The following SFMBT2 variants were observed in gnomAD, a reference collection of about 807,000 sequenced individuals.
The protein encoded by SFMBT2 is scm-like with four MBT domains protein 2.
SFMBT2 carries 38 observed loss-of-function variants against 110.1 expected under a neutral mutation model. That is an observed-to-expected ratio of 0.35 (90% CI 0.27 to 0.45). The LOEUF is 0.45. Among genes scored for constraint, SFMBT2 ranks in the 20% least tolerant of loss-of-function variants. The probability of loss-of-function intolerance (pLI) is 1.00; values close to 1 mark genes in which losing one functional copy is unlikely to be tolerated. For missense variants in SFMBT2, 1,011 were observed against 1,094.9 expected (o/e 0.92, Z 1.08); for synonymous variants, 425 against 425.4 (o/e 1.00, Z 0.01).
intron 7 of SFMBT2, among the ~76,000 whole-genome samples, chr10:7,254,990 G>T (rs1426819256): frequency 1.3e-5 from 2 of 152,180 alleles, no homozygotes; most frequent in South Asian, 2.1e-4. Context: ...CAACACCAGC[G>T]AATTTCCAAA....
intron 15 of SFMBT2, among the ~76,000 whole-genome samples, chr10:7,192,998 T>C (rs1181566891): frequency 6.6e-6 from 1 of 152,174 alleles, no homozygotes; most frequent in Non-Finnish European, 1.5e-5. Flanking sequence ...AAGCGCCTCA[T>C]TGCAAAGCAT....
chr10:7,275,688 A>G (rs1031553368), intron 7 of SFMBT2, among the ~76,000 whole-genome samples: 1 of 152,182 alleles, frequency 6.6e-6, no homozygotes, highest in African/African-American at 2.4e-5. Context: ...GTTAAACGTC[A>G]CAACATAATC....
rs1391114019 is a variant in SFMBT2 at position 7,163,832 on chromosome 10, T to G, written c.2623A>C (p.Ile875Leu). Residue 875 changes from isoleucine to leucine, a missense_variant, in exon 21 of 21, where the codon ATC becomes CTC. Coordinates refer to ENST00000397167, the MANE Select transcript of SFMBT2 (RefSeq NM_001387889.1). The surrounding 1 kb of genome is among the most constrained non-coding windows in gnomAD (Gnocchi z 4.8). ...ECMELKLGPA[I>L]KLCHQIERVK... ...CTCTCGATCTGGTGGCATAACTTGA[T>G]GGCAGGCCCCAGCTTCAGCTCCATG... 1 of 1,614,088 alleles carries G rather than the reference T, an allele frequency of 6.2e-7. No homozygotes were observed. The highest frequency in any genetic ancestry group is 8.5e-7 in the Non-Finnish European group (1 of 1,180,028).
rs951229847 is a variant in SFMBT2 at position 7,203,000 on chromosome 10, C to T, written c.1445-478G>A. ...AAGGAGAACCAGTAGCTCGCAAATA[C>T]GCCTGGTCAAATATTGACATAAATG... On this transcript the variant is annotated intron_variant, in intron 12 of 20. Coordinates refer to ENST00000397167, the MANE Select transcript of SFMBT2 (RefSeq NM_001387889.1). The T allele has an allele frequency of 2.2e-5, 22 of 985,278 alleles. No individual in the cohort carries two copies. In the African/African-American group the frequency reaches 3.1e-4, roughly 14 times the overall value. 61.0% of individuals were successfully genotyped at this position (985,278 alleles called of 1,614,324 possible). A position where few individuals can be genotyped will look rare whatever the true frequency, so the allele number is the denominator to read the frequency against.
At chr10:7,366,196 A>G (rs1217001602) in intron 4 of SFMBT2, among the ~76,000 whole-genome samples, 2 of 152,110 alleles carry the variant, frequency 1.3e-5, no homozygotes, top group East Asian at 1.9e-4. Flanking sequence ...CAAAGACCCA[A>G]TGCAGGAAAG....
intron 8 of SFMBT2, 122 bp from the exon 9 acceptor site, chr10:7,243,827 C>T: frequency 1.6e-6 from 1 of 637,074 alleles, no homozygotes; most frequent in South Asian, 2.1e-5. Flanking sequence ...GATTTGAATA[C>T]AAACTGGCAT....
chr10:7,304,909 G>A (rs1842650008), intron 4 of SFMBT2, among the ~76,000 whole-genome samples: 1 of 152,154 alleles, frequency 6.6e-6, no homozygotes, highest in Non-Finnish European at 1.5e-5. Flanking sequence ...AGAAGAAACA[G>A]GACAGTTGCA....
chr10:7,214,441 T>G (rs944849582), intron 11 of SFMBT2: 18 of 531,972 alleles, frequency 3.4e-5, no homozygotes, highest in Non-Finnish European at 3.6e-5. Flanking sequence ...GTCAGATAAA[T>G]GGGAAGATGC....
intron 4 of SFMBT2, among the ~76,000 whole-genome samples, chr10:7,289,864 A>C (rs1235390120): frequency 6.6e-6 from 1 of 152,250 alleles, no homozygotes; most frequent in African/African-American, 2.4e-5. Flanking sequence ...GTTGCCTTGC[A>C]AGTCCTTAGA....
At chr10:7,237,937 A>G (rs1310656948) in intron 9 of SFMBT2, among the ~76,000 whole-genome samples, 1 of 152,174 alleles carries the variant, frequency 6.6e-6, no homozygotes, top group Non-Finnish European at 1.5e-5. Flanking sequence ...AGGTGTCTGC[A>G]CAGAGGGAAC....
intron 1 of SFMBT2, among the ~76,000 whole-genome samples, 137 bp downstream of exon 1, chr10:7,410,724 C>A (rs1454575552): frequency 7.1e-6 from 1 of 141,822 alleles, no homozygotes; most frequent in African/African-American, 2.7e-5. Context: ...CTCCCTCAGG[C>A]TTCCTTCCTT....
intron 4 of SFMBT2, among the ~76,000 whole-genome samples, chr10:7,318,120 A>T (rs979077571): frequency 2.0e-5 from 3 of 152,246 alleles, no homozygotes; most frequent in Non-Finnish European, 4.4e-5. Context: ...AGGTCTGACC[A>T]TGAAATTCTG....
Position 7,162,146 on chromosome 10 carries a change from C to G in SFMBT2, c.*1624G>C, listed in dbSNP as rs1358366301. 5 of 152,148 alleles carry G rather than the reference C, an allele frequency of 3.3e-5. No individual in the cohort carries two copies. Among genetic ancestry groups the G allele is most frequent in the Admixed American group, 3.3e-4 (5 of 15,286 alleles). The allele number at this position is 152,148 out of a possible 1,614,324, so 9.4% of individuals were successfully genotyped here. ...GGCCAGCCAACTCTCGCAGCCACAGCTTTGTCTGCACGTGACCTGGCGGAT... is the reference window on the plus strand; with the variant it reads ...GGCCAGCCAACTCTCGCAGCCACAGGTTTGTCTGCACGTGACCTGGCGGAT... On this transcript the variant is annotated 3_prime_UTR_variant, in exon 21 of 21. Transcript: ENST00000397167.
At chr10:7,315,772 A>C (rs1217207467) in intron 4 of SFMBT2, among the ~76,000 whole-genome samples, 1 of 152,242 alleles carries the variant, frequency 6.6e-6, no homozygotes, top group Non-Finnish European at 1.5e-5. Flanking sequence ...GAGCTGTATG[A>C]CCTTCAGCAA....
chr10:7,217,089 T>A (rs990366505), intron 11 of SFMBT2, among the ~76,000 whole-genome samples: 1 of 152,152 alleles, frequency 6.6e-6, no homozygotes, highest in Admixed American at 6.5e-5. Flanking sequence ...TTCAGACAAA[T>A]CCAGCATGAT....
chr10:7,407,248 C>T (rs1308448079), intron 1 of SFMBT2, among the ~76,000 whole-genome samples: 1 of 151,494 alleles, frequency 6.6e-6, no homozygotes, highest in East Asian at 1.9e-4. Flanking sequence ...TCCCTCCCCA[C>T]CCCCAACAGC....
At chr10:7,290,026 T>C (rs1842216008) in intron 4 of SFMBT2, among the ~76,000 whole-genome samples, 1 of 152,210 alleles carries the variant, frequency 6.6e-6, no homozygotes, top group African/African-American at 2.4e-5. Flanking sequence ...TCCTTGTCTA[T>C]GATCATTATC....
At chr10:7,227,419 G>T (rs1026508558) in intron 10 of SFMBT2, among the ~76,000 whole-genome samples, 1 of 152,214 alleles carries the variant, frequency 6.6e-6, no homozygotes, top group Non-Finnish European at 1.5e-5. Context: ...CTGTGACATG[G>T]TGCAGCCAGG....
At chr10:7,178,189 C>T (rs1838135570) in intron 16 of SFMBT2, among the ~76,000 whole-genome samples, 1 of 152,164 alleles carries the variant, frequency 6.6e-6, no homozygotes, top group South Asian at 2.1e-4. Context: ...ACCACCCACA[C>T]AGCAGCTTCT....
Sources: allele counts gnomAD v4.1 joint callset (sites outside exome capture counted in the v4.1 genomes callset), GRCh38; gene constraint gnomAD v4.1.1; non-coding constraint Gnocchi (gnomAD v3.1); transcripts MANE v1.5; gene names NCBI Gene and HGNC (gene_info 2026-07-23, HGNC 2026-07-21).